Variants in TRDN observed in about 807,000 individuals in gnomAD.
TRDN encodes the protein triadin in skeletal muscle.
Under a neutral mutation model 149.7 loss-of-function variants are expected in TRDN, and 161 were observed. That is an observed-to-expected ratio of 1.08 (90% CI 0.95 to 1.23). TRDN has a LOEUF of 1.23. TRDN is among the 50% of genes most tolerant of loss of function. The pLI is 0.00. For missense variants in TRDN, 896 were observed against 823.5 expected (o/e 1.09, Z -1.08); for synonymous variants, 294 against 250.5 (o/e 1.17, Z -1.64).
intron 9 of TRDN, among the ~76,000 whole-genome samples, chr6:123,477,767 G>A (rs1282445369): frequency 6.6e-6 from 1 of 152,072 alleles, no homozygotes; most frequent in Admixed American, 6.5e-5. Context: ...TAGGGACATG[G>A]ATGAAATTGG....
intron 4 of TRDN, among the ~76,000 whole-genome samples, chr6:123,540,211 G>A (rs191099120): frequency 8.1e-4 from 124 of 152,284 alleles, no homozygotes; most frequent in African/African-American, 3.0e-3. Flanking sequence ...ACAGGGATAT[G>A]CTACTAAATC....
intron 10 of TRDN, among the ~76,000 whole-genome samples, chr6:123,463,283 G>A (rs1001830339): frequency 5.0e-4 from 76 of 151,552 alleles, no homozygotes; most frequent in African/African-American, 1.8e-3. Context: ...CTTGCAGTGA[G>A]CCGAGATGGT....
At chr6:123,586,388 GACTC>G in intron 1 of TRDN, among the ~76,000 whole-genome samples, 1 of 152,192 alleles carries the variant, frequency 6.6e-6, no homozygotes, top group South Asian at 2.1e-4. Flanking sequence ...AGAGTAGAAA[GACTC>G]AGTGATGCTT....
chr6:123,578,075 T>C (rs1782942714), intron 1 of TRDN, among the ~76,000 whole-genome samples: 1 of 152,180 alleles, frequency 6.6e-6, no homozygotes, highest in Non-Finnish European at 1.5e-5. Context: ...TCTTCCATTC[T>C]GTATGTTGTC....
At chr6:123,423,052 G>A (rs962061062) in intron 12 of TRDN, among the ~76,000 whole-genome samples, 3 of 152,134 alleles carry the variant, frequency 2.0e-5, no homozygotes, top group African/African-American at 7.2e-5. Context: ...ATGGGTAGCT[G>A]TGTCTAATTT....
intron 39 of TRDN, among the ~76,000 whole-genome samples, chr6:123,223,083 T>C (rs1178810139): frequency 6.6e-6 from 1 of 151,806 alleles, no homozygotes; most frequent in Non-Finnish European, 1.5e-5. Flanking sequence ...TGGAAAGCAG[T>C]GTGATGATTC....
chr6:123,565,823 CA>C (rs1423034917), intron 2 of TRDN, among the ~76,000 whole-genome samples: 2 of 152,186 alleles, frequency 1.3e-5, no homozygotes, highest in Non-Finnish European at 2.9e-5. Context: ...GGAAAGGCGT[CA>C]ATTTATCCTG....
intron 10 of TRDN, among the ~76,000 whole-genome samples, chr6:123,452,724 A>G (rs542766082): frequency 1.3e-5 from 2 of 152,160 alleles, no homozygotes; most frequent in Admixed American, 6.5e-5. Flanking sequence ...ATACCACCGT[A>G]ATTCTTCGCA....
chr6:123,457,475 G>C (rs1776195157), intron 10 of TRDN: 3 of 359,850 alleles, frequency 8.3e-6, no homozygotes, highest in Non-Finnish European at 1.6e-5. Flanking sequence ...AAAGTTGTAA[G>C]TTTAGAGATA....
At chr6:123,543,753 T>C (rs1469450587) in intron 4 of TRDN, among the ~76,000 whole-genome samples, 3 of 152,128 alleles carry the variant, frequency 2.0e-5, no homozygotes, top group African/African-American at 7.2e-5. Context: ...AAAACTGAGT[T>C]GATGGACTCC....
At chr6:123,391,844 A>G (rs536471821) in intron 13 of TRDN, among the ~76,000 whole-genome samples, 11 of 152,228 alleles carry the variant, frequency 7.2e-5, no homozygotes, top group Admixed American at 7.2e-4. Flanking sequence ...TCAGTCTACT[A>G]TAGGATTATT....
chr6:123,310,173 C>G (rs1000597089), intron 24 of TRDN, among the ~76,000 whole-genome samples: 1 of 151,960 alleles, frequency 6.6e-6, no homozygotes, highest in African/African-American at 2.4e-5. Context: ...TCTTATTTAT[C>G]ATTTTTAGTG....
In TRDN at chr6:123,516,189, CT is replaced by C; in HGVS notation, c.501del (p.Glu168LysfsTer7). On this transcript the variant is annotated frameshift_variant, in exon 6 of 41. Transcript: ENST00000334268. LOFTEE classifies it high-confidence loss of function. Reference protein sequence around the residue: ...KIQTKVTHKEKEKGKEKVREK... With the variant: ...KIQTKVTHKEXEKGKEKVREK... Reference sequence around the variant, plus strand: ...TCTCTTACTTTTTCTTTTCCTTTTTCTTTTTCTTTGTGTGTAACTGAAAAGA... The same window carrying C: ...TCTCTTACTTTTTCTTTTCCTTTTTCTTTTCTTTGTGTGTAACTGAAAAGA... 2.0e-6 allele frequency: 3 copies of C among 1,482,752 alleles called. No homozygotes were observed. Among genetic ancestry groups the C allele is most frequent in the East Asian group, 2.7e-5 (1 of 37,010 alleles). 91.8% of individuals were successfully genotyped at this position (1,482,752 alleles called of 1,614,324 possible).
chr6:123,222,487 AT>A (rs55831336), intron 39 of TRDN, among the ~76,000 whole-genome samples: 110,338 of 151,088 alleles, frequency 0.73, 40,869 homozygotes, highest in Admixed American at 0.82. Flanking sequence ...TCTTAATTCA[AT>A]TTAAAAAATA....
chr6:123,216,753 T>C lies in TRDN; in HGVS notation c.*1848A>G, dbSNP rs1463906407. On this transcript the variant is annotated 3_prime_UTR_variant, in exon 41 of 41. Coordinates refer to ENST00000334268, the MANE Select transcript of TRDN (RefSeq NM_006073.4). ...ATGTTTAGTAAATTTTTCAAGGTCA[T>C]TCACTATGTCAGAATAGCGCTGGGA... The C allele has an allele frequency of 1.3e-5, 2 of 151,968 alleles. No individual in the cohort carries two copies. Among genetic ancestry groups the C allele is most frequent in the African/African-American group, 4.8e-5 (2 of 41,440 alleles). 9.4% of individuals were successfully genotyped at this position (151,968 alleles called of 1,614,324 possible). A position where few individuals can be genotyped will look rare whatever the true frequency, so the allele number is the denominator to read the frequency against.
chr6:123,243,518 C>G (rs1476162128), intron 38 of TRDN, among the ~76,000 whole-genome samples: 2 of 151,782 alleles, frequency 1.3e-5, no homozygotes, highest in Non-Finnish European at 2.9e-5. Flanking sequence ...TTCTGAAAAA[C>G]AATACAGAGA....
At chr6:123,490,405 G>A (rs772044088) in intron 9 of TRDN, among the ~76,000 whole-genome samples, 11 of 152,156 alleles carry the variant, frequency 7.2e-5, no homozygotes, top group Non-Finnish European at 1.3e-4. Context: ...GGAATAGAGC[G>A]TGATAACATG....
At chr6:123,306,720 T>A (rs1778624894) in intron 24 of TRDN, among the ~76,000 whole-genome samples, 1 of 152,110 alleles carries the variant, frequency 6.6e-6, no homozygotes, top group African/African-American at 2.4e-5. Context: ...TAATAAATCC[T>A]CTAATCTTGT....
chr6:123,286,649 ACCACCCGTTCCC>A (rs1470163488), intron 24 of TRDN, among the ~76,000 whole-genome samples: 4 of 152,074 alleles, frequency 2.6e-5, no homozygotes, highest in Non-Finnish European at 5.9e-5. Context: ...GTAACCAAAT[ACCACCCGTTCCC>A]CCAAAACCTA....
Sources: allele counts gnomAD v4.1 joint callset (sites outside exome capture counted in the v4.1 genomes callset), GRCh38; gene constraint gnomAD v4.1.1; transcripts MANE v1.5; gene names NCBI Gene and HGNC (gene_info 2026-07-23, HGNC 2026-07-21).